The following STS variants were observed in gnomAD, a reference collection of about 807,000 sequenced individuals.
STS encodes the protein steroid sulfatase, also known as steryl-sulfatase.
A neutral mutation model predicts 26.8 loss-of-function variants in STS; 7 were observed. The ratio of observed to expected loss-of-function variants is 0.26; its 90% CI spans 0.15 to 0.49. The LOEUF (loss-of-function observed/expected upper bound fraction) is 0.49, where lower values mean the gene tolerates loss of function less well. STS is among the 20% of genes least tolerant of loss of function. The pLI, the probability that STS is intolerant of heterozygous loss-of-function variation, is 0.98. For synonymous variants in STS, 199 were observed against 189.4 expected (o/e 1.05, Z -0.42); for missense variants, 434 against 465.6 (o/e 0.93, Z 0.63).
intron 1 of STS, among the ~76,000 whole-genome samples, chrX:7,149,545 G>A (rs1932967295): frequency 8.9e-6 from 1 of 112,175 alleles, no homozygotes; most frequent in African/African-American, 3.2e-5. Flanking sequence ...TTCAGAGAAG[G>A]CAATTTATGA....
chrX:7,165,191 A>G (rs1933325476), intron 1 of STS, among the ~76,000 whole-genome samples: 1 of 107,462 alleles, frequency 9.3e-6, no homozygotes, highest in Non-Finnish European at 1.9e-5. Flanking sequence ...TGTGGGATGG[A>G]CTGTCCTATG....
intron 10 of STS, among the ~76,000 whole-genome samples, chrX:7,348,110 G>A (rs190984311): frequency 8.1e-5 from 9 of 111,344 alleles, no homozygotes; most frequent in African/African-American, 2.3e-4. Flanking sequence ...GACTGCAGTC[G>A]TCTCATTATG....
Position 7,325,631 on chromosome X carries a change from G to C in STS, c.1241+133G>C, listed in dbSNP as rs760207344. 61 of 746,736 alleles carry C rather than the reference G, an allele frequency of 8.2e-5. No individual in the cohort carries two copies. The African/African-American group carries it at 9.9e-4, about 12-fold the overall frequency. The allele number at this position is 746,736 out of a possible 1,213,427, so 61.5% of individuals were successfully genotyped here. ...GAGTTTTCCTGAAAATCACAGGTTTGAGGCAGGTCAATTAATAGGATAAAA... is the reference window on the plus strand; with the variant it reads ...GAGTTTTCCTGAAAATCACAGGTTTCAGGCAGGTCAATTAATAGGATAAAA... On this transcript the variant is annotated intron_variant, in intron 9 of 10. Transcript: ENST00000674429.
At chrX:7,346,069 A>C (rs975824031) in intron 10 of STS, among the ~76,000 whole-genome samples, 1 of 110,942 alleles carries the variant, frequency 9.0e-6, no homozygotes, top group African/African-American at 3.3e-5. Context: ...ATACCTCTTT[A>C]TTTCTCTTTG....
chrX:7,246,262 CTTTTT>C (rs373058144), intron 2 of STS, among the ~76,000 whole-genome samples: 1 of 95,763 alleles, frequency 1.0e-5, no homozygotes, highest in Non-Finnish European at 2.1e-5. Flanking sequence ...TTGGGAGAGA[CTTTTT>C]TTTTTTTTTT....
At chrX:7,297,024 T>C (rs1303469622) in intron 7 of STS, among the ~76,000 whole-genome samples, 1 of 112,289 alleles carries the variant, frequency 8.9e-6, no homozygotes, top group African/African-American at 3.2e-5. Context: ...TTCCATGTTT[T>C]AAGTACCCTA....
chrX:7,211,502 G>C (rs769554736), intron 2 of STS, among the ~76,000 whole-genome samples: 2 of 111,912 alleles, frequency 1.8e-5, no homozygotes, highest in Non-Finnish European at 1.9e-5. Flanking sequence ...CAGCTTCTTT[G>C]TGGGCACCAG....
At chrX:7,319,998 ATT>A (rs1258377854) in intron 8 of STS, among the ~76,000 whole-genome samples, 3 of 86,104 alleles carry the variant, frequency 3.5e-5, no homozygotes, top group African/African-American at 5.3e-5. Flanking sequence ...TTATATATAT[ATT>A]TTTATATATA....
chrX:7,219,012 T>A (rs1353824562), intron 2 of STS, among the ~76,000 whole-genome samples: 1 of 112,263 alleles, frequency 8.9e-6, no homozygotes, highest in Non-Finnish European at 1.9e-5. Flanking sequence ...AACCTGGCTC[T>A]GCAGTTAGCA....
At position 7,350,090 on chromosome X, in the gene STS, CAA is replaced by C; in HGVS notation, c.1568_1569del (p.Lys523SerfsTer45). On this transcript the variant is annotated frameshift_variant, in exon 11 of 11. Transcript: ENST00000674429. LOFTEE classifies it low-confidence loss of function (END_TRUNC). ...ASEPRFYEIL[K>X]VMQEAADRHT... ...CCGAGCCCCGGTTTTATGAAATCCT[CAA>C]AGTCATGCAGGAAGCTGCGGACAGA... 1 of 1,212,004 alleles carries C rather than the reference CAA, an allele frequency of 8.3e-7. No individual in the cohort carries two copies. The highest frequency in any genetic ancestry group is 1.1e-6 in the Non-Finnish European group (1 of 895,521).
intron 2 of STS, among the ~76,000 whole-genome samples, chrX:7,236,062 A>G (rs1359195502): frequency 8.9e-6 from 1 of 112,241 alleles, no homozygotes; most frequent in African/African-American, 3.2e-5. Flanking sequence ...ATTATGACCA[A>G]TTTAACTACA....
chrX:7,296,551 T>C (rs756747734), intron 7 of STS, among the ~76,000 whole-genome samples: 1 of 112,253 alleles, frequency 8.9e-6, no homozygotes, highest in South Asian at 3.8e-4. Context: ...ATGCTGACTT[T>C]GGGTCTTCTC....
chrX:7,154,104 A>C (rs1468702213), intron 1 of STS, among the ~76,000 whole-genome samples: 1 of 111,566 alleles, frequency 9.0e-6, no homozygotes, highest in East Asian at 2.8e-4. Flanking sequence ...GATGTCAGCA[A>C]CTTGGGCCTT....
chrX:7,245,279 G>A (rs1175039550), intron 2 of STS, among the ~76,000 whole-genome samples: 4 of 111,625 alleles, frequency 3.6e-5, no homozygotes, highest in Admixed American at 1.9e-4. Context: ...ATTTAAAGAC[G>A]GATGCTAATT....
intron 7 of STS, among the ~76,000 whole-genome samples, chrX:7,289,184 G>T (rs945962041): frequency 9.0e-6 from 1 of 111,338 alleles, no homozygotes; most frequent in Non-Finnish European, 1.9e-5. Context: ...CCTCACTTTT[G>T]GACTGGCTTC....
At chrX:7,349,753 C>A in intron 10 of STS, 135 bp from the exon 11 acceptor site, 1 of 900,738 alleles carries the variant, frequency 1.1e-6, no homozygotes, top group Non-Finnish European at 1.6e-6. Context: ...TACATATTAA[C>A]ATTGTGTCTG....
chrX:7,150,758 CTGAA>C (rs1232092782), intron 1 of STS, among the ~76,000 whole-genome samples: 1 of 109,422 alleles, frequency 9.1e-6, no homozygotes, highest in Non-Finnish European at 1.9e-5. Flanking sequence ...AAAAAACAAA[CTGAA>C]TGGTGAATGC....
intron 1 of STS, among the ~76,000 whole-genome samples, chrX:7,172,928 G>A (rs1933495076): frequency 8.9e-6 from 1 of 111,751 alleles, no homozygotes; most frequent in African/African-American, 3.3e-5. Context: ...CTCAGTCAGT[G>A]TTATTCACTT....
intron 2 of STS, among the ~76,000 whole-genome samples, chrX:7,196,038 A>G (rs1235658226): frequency 8.9e-6 from 1 of 112,156 alleles, no homozygotes; most frequent in East Asian, 2.8e-4. Flanking sequence ...TTTTTCCTCT[A>G]CCCTGTCTGA....
Sources: gnomAD v4.1 joint callset for allele counts (sites outside exome capture counted in the v4.1 genomes callset) on GRCh38, gnomAD v4.1.1 for gene constraint, MANE v1.5 for transcripts, NCBI Gene and HGNC (gene_info 2026-07-23, HGNC 2026-07-21) for gene names.